The following CPXM2 variants were observed in gnomAD, a reference collection of about 807,000 sequenced individuals.
CPXM2 encodes carboxypeptidase X, M14 family member 2, also known as inactive carboxypeptidase-like protein X2.
In CPXM2, 66 loss-of-function variants were observed where a neutral mutation model predicts 86.1. The observed-to-expected ratio is 0.77, with a 90% CI of 0.63 to 0.94. The LOEUF (loss-of-function observed/expected upper bound fraction) is 0.94. Ranked by LOEUF, CPXM2 falls within the 40% of genes least tolerant of loss-of-function variation. The pLI, the probability that CPXM2 is intolerant of heterozygous loss-of-function variation, is 0.00. For missense variants in CPXM2, 948 were observed against 1,026.3 expected (o/e 0.92, Z 1.04); for synonymous variants, 388 against 400.2 (o/e 0.97, Z 0.36).
Position 123,778,338 on chromosome 10 carries a change from C to T in CPXM2, c.978+1829G>A, listed in dbSNP as rs193177957. ...TTGCTCAAAATATTGACTTCTTTCC[C>T]ATTCCCAGGAGCCAGGAATCCAAAT... On this transcript the variant is annotated intron_variant, in intron 7 of 13. Coordinates refer to ENST00000241305, the MANE Select transcript of CPXM2 (RefSeq NM_198148.3). Among the ~76,000 whole-genome samples, 33 of 152,286 alleles carry T rather than the reference C, an allele frequency of 2.2e-4. 1 individual carries two copies. The highest frequency in any genetic ancestry group is 3.4e-3 in the Middle Eastern group (1 of 294).
At chr10:123,813,067 C>A (rs1045827818) in intron 4 of CPXM2, among the ~76,000 whole-genome samples, 3 of 152,148 alleles carry the variant, frequency 2.0e-5, no homozygotes, top group Admixed American at 1.3e-4. Context: ...GGCCTACATA[C>A]AGGAAAACGC....
At chr10:123,773,367 G>A (rs1378972194) in intron 7 of CPXM2, among the ~76,000 whole-genome samples, 1 of 152,018 alleles carries the variant, frequency 6.6e-6, no homozygotes, top group Non-Finnish European at 1.5e-5. Context: ...TCATTCCCCT[G>A]GTTGTGGTTA....
At position 123,798,093 on chromosome 10, in the gene CPXM2, C is replaced by T. The variant is rs1564774544; in HGVS notation, c.772G>A (p.Val258Ile). 2 of 1,610,460 alleles carry T rather than the reference C, an allele frequency of 1.2e-6. No individual in the cohort carries two copies. The highest frequency in any genetic ancestry group is 1.7e-5 in the Admixed American group (1 of 59,684). The change falls in exon 6 of 14, where the codon GTT becomes ATT. Residue 258 changes from valine to isoleucine, a missense_variant. Val to Ile is a conservative substitution (Grantham distance 29, BLOSUM62 3). Coordinates refer to ENST00000241305, the MANE Select transcript of CPXM2 (RefSeq NM_198148.3). ...FEGNSEKEIP[V>I]LNELPVPMVA... ...ATGGGGACGGGTAGCTCATTGAGAA[C>T]AGGGATCTCCTTCTCACTGTTTCCC...
intron 3 of CPXM2, among the ~76,000 whole-genome samples, chr10:123,845,392 G>T (rs1005332871): frequency 1.3e-5 from 2 of 151,878 alleles, no homozygotes; most frequent in Non-Finnish European, 2.9e-5. Context: ...AATATTTCTA[G>T]AAAGGTCTTG....
chr10:123,801,728 A>C (rs1847464189), intron 4 of CPXM2, among the ~76,000 whole-genome samples: 1 of 151,990 alleles, frequency 6.6e-6, no homozygotes, highest in Non-Finnish European at 1.5e-5. Context: ...GTTCTACGAG[A>C]CCCTTGCTTG....
At chr10:123,871,597 T>C (rs956044231) in intron 2 of CPXM2, among the ~76,000 whole-genome samples, 4 of 152,214 alleles carry the variant, frequency 2.6e-5, no homozygotes, top group African/African-American at 4.8e-5. Flanking sequence ...AATATGTTCA[T>C]GTAAAAGGTA....
chr10:123,926,684 T>G (rs1336633728), intron 2 of CPXM2, among the ~76,000 whole-genome samples: 1 of 152,202 alleles, frequency 6.6e-6, no homozygotes, highest in Admixed American at 6.5e-5. Flanking sequence ...CTCCTCCCCT[T>G]TCTCCTGCCT....
intron 4 of CPXM2, among the ~76,000 whole-genome samples, chr10:123,839,011 G>C (rs1176849907): frequency 6.6e-6 from 1 of 152,136 alleles, no homozygotes; most frequent in Admixed American, 6.5e-5. Flanking sequence ...ATATTTCCAA[G>C]AAAGATTTTA....
intron 4 of CPXM2, among the ~76,000 whole-genome samples, chr10:123,816,250 G>T (rs1847811028): frequency 6.6e-6 from 1 of 152,116 alleles, no homozygotes; most frequent in Admixed American, 6.6e-5. Flanking sequence ...TTCATCCTGT[G>T]GTCACTTCCC....
intron 2 of CPXM2, among the ~76,000 whole-genome samples, chr10:123,935,614 G>A (rs985851443): frequency 1.3e-5 from 2 of 152,184 alleles, no homozygotes; most frequent in African/African-American, 4.8e-5. Flanking sequence ...CCAGTGTGGT[G>A]CCTGACACTT....
intron 3 of CPXM2, among the ~76,000 whole-genome samples, chr10:123,848,265 G>A (rs1193940619): frequency 6.6e-6 from 1 of 152,124 alleles, no homozygotes; most frequent in African/African-American, 2.4e-5. Context: ...ATAAACCACT[G>A]CTATAAACCC....
At chr10:123,889,108 G>T (rs905759683) in intron 1 of CPXM2, among the ~76,000 whole-genome samples, 2 of 152,322 alleles carry the variant, frequency 1.3e-5, no homozygotes, top group Non-Finnish European at 2.9e-5. Flanking sequence ...AGAGTGGCAA[G>T]AGCTGTTTCT....
Position 123,862,649 on chromosome 10 carries a change from C to G in CPXM2, c.478G>C (p.Gly160Arg). The G allele has an allele frequency of 4.3e-6, 7 of 1,614,226 alleles. No homozygotes were observed. Among genetic ancestry groups the G allele is most frequent in the Non-Finnish European group, 5.9e-6 (7 of 1,180,042 alleles). ...AGTCTCCCTCGATGTGCCCCCAGGC[C>G]ATAGCGCTTCACCGTGGAGGCATGG... is the stretch of plus-strand genomic sequence containing the variant. ...QLHASTVKRY[G>R]LGAHRGRLNI... is the part of the protein sequence containing the mutation. Residue 160 changes from glycine to arginine, a missense_variant, in exon 3 of 14, where the codon GGC becomes CGC. By Grantham distance (125) the Gly-to-Arg change is moderately radical (BLOSUM62 -2). Transcript: ENST00000241305.
At chr10:123,747,064 G>A in intron 13 of CPXM2, 47 bp from the exon 14 acceptor site, 1 of 1,594,214 alleles carries the variant, frequency 6.3e-7, no homozygotes, top group Non-Finnish European at 8.6e-7. Context: ...TCTTGCTAAT[G>A]CAGATCCCGC....
intron 2 of CPXM2, among the ~76,000 whole-genome samples, chr10:123,920,249 G>A (rs369450993): frequency 2.0e-5 from 3 of 152,262 alleles, no homozygotes; most frequent in African/African-American, 7.2e-5. Context: ...TATTTTTAAA[G>A]TTCTCAAAGA....
chr10:123,780,231 C>A lies in CPXM2; in HGVS notation c.914G>T (p.Arg305Leu). The A allele has an allele frequency of 6.2e-7, 1 of 1,608,802 alleles. No individual in the cohort carries two copies. Among genetic ancestry groups the A allele is most frequent in the Non-Finnish European group, 8.5e-7 (1 of 1,175,218 alleles). ...LPDPNNYYHR[R>L]NEMTTTDDLD... The stretch of plus-strand genomic sequence containing the variant: ...GTCATCAGTGGTGGTCATCTCGTTC[C>A]GGCGGTGATAATAATTATTAGGATC... Residue 305 changes from arginine to leucine, a missense_variant, in exon 7 of 14, where the codon CGG becomes CTG. By Grantham distance (102) the Arg-to-Leu change is moderately radical (BLOSUM62 -2). Coordinates refer to ENST00000241305, the MANE Select transcript of CPXM2 (RefSeq NM_198148.3).
chr10:123,751,856 T>C, intron 13 of CPXM2: 3 of 985,288 alleles, frequency 3.0e-6, no homozygotes, highest in Non-Finnish European at 3.6e-6. Flanking sequence ...TGGGAAATTA[T>C]TTATAGAGGG....
At chr10:123,802,396 G>A (rs1193309198) in intron 4 of CPXM2, among the ~76,000 whole-genome samples, 1 of 152,138 alleles carries the variant, frequency 6.6e-6, no homozygotes, top group Non-Finnish European at 1.5e-5. Flanking sequence ...GGGTCCTCTT[G>A]TCCTAGGTTT....
intron 2 of CPXM2, among the ~76,000 whole-genome samples, chr10:123,937,140 G>T (rs1034711591): frequency 5.3e-5 from 8 of 152,180 alleles, no homozygotes; most frequent in African/African-American, 1.4e-4. Flanking sequence ...GAGTCCAGGT[G>T]ACCCTAATTT....
Sources: allele counts gnomAD v4.1 joint callset (sites outside exome capture counted in the v4.1 genomes callset), GRCh38; gene constraint gnomAD v4.1.1; transcripts MANE v1.5; gene names NCBI Gene and HGNC (gene_info 2026-07-23, HGNC 2026-07-21).